The following DCLK2 variants were observed in gnomAD, a reference collection of about 807,000 sequenced individuals.
The protein encoded by DCLK2 is doublecortin like kinase 2.
In DCLK2, 31 loss-of-function variants were observed where a neutral mutation model predicts 78.4. The observed-to-expected ratio is 0.40, with a 90% CI of 0.30 to 0.53. The LOEUF is 0.53. DCLK2 is among the 20% of genes least tolerant of loss of function. DCLK2 has a pLI of 0.61. For synonymous variants in DCLK2, 407 were observed against 374.9 expected (o/e 1.09, Z -0.99); for missense variants, 872 against 973.7 (o/e 0.90, Z 1.39).
In DCLK2 at chr4:150,239,826, G is replaced by C; in HGVS notation, c.1651G>C (p.Val551Leu). The change falls in exon 11 of 16, where the codon GTC (valine) becomes CTC (leucine). Residue 551 changes from valine (V) to leucine (L), a missense_variant. Transcript: ENST00000296550. ...ATVVEGPLYTVCGTPTYVAPE... is the reference protein window; with the variant it reads ...ATVVEGPLYTLCGTPTYVAPE... Reference sequence around the variant, plus strand: ...TGTGGTAGAAGGCCCTTTATACACAGTCTGTGGCACACCCACTTATGTGGC... The same window carrying C: ...TGTGGTAGAAGGCCCTTTATACACACTCTGTGGCACACCCACTTATGTGGC... The C allele has an allele frequency of 6.2e-7, 1 of 1,614,218 alleles. No homozygotes were observed. Among genetic ancestry groups the C allele is most frequent in the African/African-American group, 1.3e-5 (1 of 75,048 alleles).
At chr4:150,105,995 AAAAAG>A (rs1731223478) in intron 2 of DCLK2, among the ~76,000 whole-genome samples, 1 of 152,150 alleles carries the variant, frequency 6.6e-6, no homozygotes, top group South Asian at 2.1e-4. Flanking sequence ...TCAAGCACTG[AAAAAG>A]AAAAGACTGA....
chr4:150,247,800 C>A, intron 13 of DCLK2, 101 bp downstream of exon 13: 1 of 913,610 alleles, frequency 1.1e-6, no homozygotes, highest in South Asian at 1.7e-5. Context: ...CAGAAAGCTC[C>A]TTGGCTTTTA....
At chr4:150,199,092 A>T in intron 4 of DCLK2, 3 of 1,593,538 alleles carry the variant, frequency 1.9e-6, no homozygotes, top group Non-Finnish European at 2.5e-6. Flanking sequence ...AGCCATGACT[A>T]TTGTGGCTTT....
intron 2 of DCLK2, among the ~76,000 whole-genome samples, chr4:150,160,060 G>C (rs1735594554): frequency 2.0e-5 from 3 of 151,574 alleles, no homozygotes; most frequent in Admixed American, 2.0e-4. Flanking sequence ...TGTCGTCCAG[G>C]GTGGAGTGCA....
At chr4:150,111,270 GC>G (rs1731676027) in intron 2 of DCLK2, among the ~76,000 whole-genome samples, 1 of 151,810 alleles carries the variant, frequency 6.6e-6, no homozygotes, top group African/African-American at 2.4e-5. Context: ...ATTTTTGTTG[GC>G]CATTTGTATA....
chr4:150,095,148 G>T (rs12502816), intron 1 of DCLK2, among the ~76,000 whole-genome samples: 1 of 151,882 alleles, frequency 6.6e-6, no homozygotes, highest in Non-Finnish European at 1.5e-5. Flanking sequence ...TAAAACACAC[G>T]CAGCCAGAAT....
intron 12 of DCLK2, among the ~76,000 whole-genome samples, chr4:150,245,001 G>T (rs1743198160): frequency 6.6e-6 from 1 of 151,126 alleles, no homozygotes; most frequent in Non-Finnish European, 1.5e-5. Flanking sequence ...GGAATAATAG[G>T]TAAGGATGAC....
At chr4:150,229,993 A>G (rs1199390874) in intron 8 of DCLK2, among the ~76,000 whole-genome samples, 1 of 152,218 alleles carries the variant, frequency 6.6e-6, no homozygotes, top group Non-Finnish European at 1.5e-5. Flanking sequence ...ATTTTTATGC[A>G]GTACTTTATT....
intron 15 of DCLK2, chr4:150,253,710 C>G: frequency 2.0e-6 from 2 of 985,442 alleles, no homozygotes; most frequent in Non-Finnish European, 2.4e-6. Flanking sequence ...GCCAGCCAAG[C>G]AGGCCCCTGG....
chr4:150,222,692 G>T (rs1049587177), intron 7 of DCLK2, among the ~76,000 whole-genome samples: 8 of 148,834 alleles, frequency 5.4e-5, no homozygotes, highest in African/African-American at 2.0e-4. Flanking sequence ...CAAAAAACAA[G>T]ACAAACAAAA....
intron 15 of DCLK2, among the ~76,000 whole-genome samples, chr4:150,252,031 G>C (rs569301353): frequency 6.6e-6 from 1 of 152,270 alleles, no homozygotes; most frequent in African/African-American, 2.4e-5. Flanking sequence ...TGCCAAAGCA[G>C]TGAGAAGGCC....
intron 1 of DCLK2, among the ~76,000 whole-genome samples, chr4:150,098,336 C>T (rs754230372): frequency 4.6e-5 from 7 of 152,032 alleles, no homozygotes; most frequent in African/African-American, 1.4e-4. Flanking sequence ...AGAGTGACTT[C>T]GTATGATATA....
chr4:150,210,803 C>T (rs1258197151), intron 5 of DCLK2, among the ~76,000 whole-genome samples: 1 of 150,892 alleles, frequency 6.6e-6, no homozygotes, highest in Non-Finnish European at 1.5e-5. Context: ...GAAAAACTTG[C>T]TGGGTGTGGT....
intron 2 of DCLK2, among the ~76,000 whole-genome samples, chr4:150,137,468 A>G (rs1733777863): frequency 6.6e-6 from 1 of 152,076 alleles, no homozygotes; most frequent in African/African-American, 2.4e-5. Flanking sequence ...ATCCCTACAA[A>G]GGACATGTAT....
At chr4:150,219,147 T>G (rs974244746) in intron 5 of DCLK2, among the ~76,000 whole-genome samples, 2 of 151,708 alleles carry the variant, frequency 1.3e-5, no homozygotes, top group African/African-American at 4.8e-5. Flanking sequence ...GAGATTGCAG[T>G]GAGCCAAGAT....
At chr4:150,184,668 C>A (rs530173100) in intron 2 of DCLK2, among the ~76,000 whole-genome samples, 1 of 150,654 alleles carries the variant, frequency 6.6e-6, no homozygotes, top group Admixed American at 6.6e-5. Context: ...GTAGCGCGAT[C>A]TCGGCTCACT....
At chr4:150,222,469 C>T (rs745395467) in intron 7 of DCLK2, among the ~76,000 whole-genome samples, 21 of 152,138 alleles carry the variant, frequency 1.4e-4, no homozygotes, top group Non-Finnish European at 2.6e-4. Flanking sequence ...CGCTTAATCC[C>T]TACAGCAATC....
At position 150,220,026 on chromosome 4, in the gene DCLK2, G is replaced by A. The variant is rs536243889; in HGVS notation, c.1057-677G>A. On this transcript the variant is annotated intron_variant, in intron 5 of 15. Coordinates refer to ENST00000296550, the MANE Select transcript of DCLK2 (RefSeq NM_001040260.4). ...GGAGAGACTGAGAGTGACTAAAGAG[G>A]CCTTTGATGCAATGCCAAGTGAAGC... 1.3e-4 allele frequency among the ~76,000 whole-genome samples: 20 copies of A among 152,310 alleles called. No homozygotes were observed. The South Asian group carries it at 3.5e-3, about 27-fold the overall frequency.
At position 150,240,447 on chromosome 4, in the gene DCLK2, A is replaced by T; in HGVS notation, c.1749A>T (p.Ile583=). ...DIWAAGVITY[I]LLCGFPPFRS... ...GGGCAGCTGGTGTGATCACATACAT[A>T]CTTCTCTGTGGATTCCCACCATTCC... Residue 583 remains isoleucine, a synonymous_variant, in exon 12 of 16, where the codon ATA becomes ATT. Coordinates refer to ENST00000296550, the MANE Select transcript of DCLK2 (RefSeq NM_001040260.4). The T allele has an allele frequency of 6.2e-7, 1 of 1,613,308 alleles. No homozygotes were observed. The highest frequency in any genetic ancestry group is 8.5e-7 in the Non-Finnish European group (1 of 1,179,652).
Sources: allele counts gnomAD v4.1 joint callset (sites outside exome capture counted in the v4.1 genomes callset), GRCh38; gene constraint gnomAD v4.1.1; transcripts MANE v1.5; gene names NCBI Gene and HGNC (gene_info 2026-07-23, HGNC 2026-07-21).